CYTH2: variants seen among roughly 807,000 people sequenced by gnomAD.
The protein encoded by CYTH2 is cytohesin-2.
A neutral mutation model predicts 55.4 loss-of-function variants in CYTH2; 24 were observed. That is an observed-to-expected ratio of 0.43 (90% CI 0.31 to 0.61). The LOEUF is 0.61. CYTH2 is among the 20% of genes least tolerant of loss of function. The pLI, the probability that CYTH2 is intolerant of heterozygous loss-of-function variation, is 0.08. For synonymous variants in CYTH2, 221 were observed against 209.6 expected, an observed-to-expected ratio of 1.05 and a Z score of -0.47; for missense variants, 378 against 533.5, an observed-to-expected ratio of 0.71 and a Z score of 2.87.
At chr19:48,476,078 G>C (rs776461373) in intron 8 of CYTH2, 1 of 511,094 alleles carries the variant, frequency 2.0e-6, no homozygotes, top group South Asian at 1.4e-5. Flanking sequence ...TCCCCATGTG[G>C]AACTGTGCTC....
Position 48,479,235 on chromosome 19 carries a change from T to G in CYTH2, c.*25T>G. The G allele has an allele frequency of 6.2e-7, 1 of 1,612,370 alleles. No individual in the cohort carries two copies. The highest frequency in any genetic ancestry group is 8.5e-7 in the Non-Finnish European group (1 of 1,178,646). The stretch of plus-strand genomic sequence containing the variant: ...ACCCCCTGCCCCCAACTCCATTATT[T>G]ATTACGGAGCTGCCCCGCCTGGGTG... On this transcript the variant is annotated 3_prime_UTR_variant, in exon 12 of 12. Transcript: ENST00000452733.
At chr19:48,471,626 G>A (rs1971797065) in intron 3 of CYTH2, among the ~76,000 whole-genome samples, 4 of 152,244 alleles carry the variant, frequency 2.6e-5, no homozygotes, top group Non-Finnish European at 4.4e-5. Context: ...GGTCTTCGTA[G>A]CACAGAGAGT....
intron 8 of CYTH2, chr19:48,475,266 T>C (rs1254134228): frequency 3.1e-6 from 1 of 321,828 alleles, no homozygotes; most frequent in African/African-American, 2.2e-5. Flanking sequence ...GGGAGAAGAG[T>C]TCACTCAGGC....
chr19:48,481,502 TG>T lies in CYTH2; in HGVS notation c.*2293del. 1.6e-5 allele frequency: 3 copies of T among 185,046 alleles called. No individual in the cohort carries two copies. The highest frequency in any genetic ancestry group is 8.8e-5 in the South Asian group (1 of 11,380). The allele number at this position is 185,046 out of a possible 1,614,324, so 11.5% of individuals were successfully genotyped here. A position where few individuals can be genotyped will look rare whatever the true frequency, so the allele number is the denominator to read the frequency against. On this transcript the variant is annotated 3_prime_UTR_variant, in exon 12 of 12. Coordinates refer to ENST00000452733, the MANE Select transcript of CYTH2 (RefSeq NM_004228.7). ...GATTTTTTTTGTAGGTTTTTTTTTT[TG>T]TTTTTTGTTTTGTTTTGTTTTGTTT...
intron 4 of CYTH2, 64 bp from the exon 5 acceptor site, chr19:48,473,234 T>C (rs923489286): frequency 1.3e-5 from 20 of 1,556,408 alleles, no homozygotes; most frequent in Non-Finnish European, 1.8e-5. Context: ...CCCAGGGCAT[T>C]GCCCTTTGCC....
At chr19:48,470,135 A>T (rs1971760151) in intron 1 of CYTH2, 3 of 753,210 alleles carry the variant, frequency 4.0e-6, no homozygotes, top group Non-Finnish European at 7.0e-6. Flanking sequence ...AGACTCAGGA[A>T]TCCGGGCCCC....
In CYTH2 at chr19:48,474,129, G is replaced by T. The variant is rs1971859478; in HGVS notation, c.548-53G>T. 2.6e-6 allele frequency: 4 copies of T among 1,555,386 alleles called. No individual in the cohort carries two copies. Among genetic ancestry groups the T allele is most frequent in the African/African-American group, 1.4e-5 (1 of 73,394 alleles). ...GGAATCCTGGGTCCTGGGGAATGGG[G>T]GCACTGGGGACTGACATGCCTGGGT... On this transcript the variant is annotated intron_variant, in intron 6 of 11. Coordinates refer to ENST00000452733, the MANE Select transcript of CYTH2 (RefSeq NM_004228.7). The surrounding 1 kb of genome is among the most constrained non-coding windows in gnomAD (Gnocchi z 4.9).
chr19:48,475,246 G>T, intron 8 of CYTH2: 1 of 367,510 alleles, frequency 2.7e-6, no homozygotes, highest in Non-Finnish European at 4.9e-6. Flanking sequence ...AGCTGACATT[G>T]TCCTTTCGTG....
In CYTH2 at chr19:48,469,440, G is replaced by C; in HGVS notation, c.-68G>C. 1 of 1,308,868 alleles carries C rather than the reference G, an allele frequency of 7.6e-7. No individual in the cohort carries two copies. The highest frequency in any genetic ancestry group is 9.8e-7 in the Non-Finnish European group (1 of 1,019,778). 81.1% of individuals were successfully genotyped at this position (1,308,868 alleles called of 1,614,324 possible). A position where few individuals can be genotyped will look rare whatever the true frequency, so the allele number is the denominator to read the frequency against. On this transcript the variant is annotated 5_prime_UTR_variant, in exon 1 of 12. Transcript: ENST00000452733. ...TTTGAGCGGGCTCACCCGAGCCCGC[G>C]GGCCAACGCGGATCCAGGCCCGACT...
In CYTH2 at chr19:48,473,920, C is replaced by A; in HGVS notation, c.450C>A (p.Ser150Arg). 6.2e-7 allele frequency: 1 copy of A among 1,610,548 alleles called. No homozygotes were observed. Residue 150 changes from serine (S) to arginine (R), a missense_variant, in exon 6 of 12, where the codon AGC becomes AGA. Physicochemically the swap from Ser to Arg is moderately radical, Grantham distance 110. Transcript: ENST00000452733. The stretch of plus-strand genomic sequence containing the variant: ...CCCAACCCAGGCAGTTTCTATGGAG[C>A]TTTCGCCTACCCGGAGAGGCCCAGA... ...LVQALRQFLW[S>R]FRLPGEAQKI...
rs766860687 is a variant in CYTH2, at chr19:48,478,346, G to T, written c.957G>T (p.Pro319=). 7 of 1,613,970 alleles carry T rather than the reference G, an allele frequency of 4.3e-6. No individual in the cohort carries two copies. Among genetic ancestry groups the T allele is most frequent in the Non-Finnish European group, 5.9e-6 (7 of 1,180,018 alleles). The part of the protein sequence containing the change: ...SIREVDDPRK[P]NCFELYIPNN... ...GAGAGGTGGACGACCCCCGGAAACC[G>T]GTAAGACCCTCTCTGTACACCTTCC... The change falls in exon 10 of 12, where the codon CCG becomes CCT. Residue 319 remains proline (P), a splice_region_variant and synonymous_variant. Coordinates refer to ENST00000452733, the MANE Select transcript of CYTH2 (RefSeq NM_004228.7).
intron 8 of CYTH2, chr19:48,475,245 TGTCC>T: frequency 2.4e-5 from 9 of 367,692 alleles, no homozygotes; most frequent in South Asian, 1.2e-4. Flanking sequence ...CAGCTGACAT[TGTCC>T]TTTCGTGGGA....
chr19:48,472,221 TG>T, intron 3 of CYTH2, 103 bp from the exon 4 acceptor site: 1 of 957,904 alleles, frequency 1.0e-6, no homozygotes, highest in Non-Finnish European at 1.6e-6. Context: ...AACCTGGCCC[TG>T]GTCTGTTGAG....
In CYTH2 at chr19:48,473,996, C is replaced by T. The variant is rs1272255750; in HGVS notation, c.526C>T (p.Pro176Ser). 2 of 1,612,164 alleles carry T rather than the reference C, an allele frequency of 1.2e-6. No individual in the cohort carries two copies. Among genetic ancestry groups the T allele is most frequent in the East Asian group, 4.5e-5 (2 of 44,860 alleles). The change falls in exon 6 of 12, where the codon CCT becomes TCT. Residue 176 changes from proline (P) to serine (S), a missense_variant. By Grantham distance (74) the Pro-to-Ser change is moderately conservative. Transcript: ENST00000452733. Reference sequence around the variant, plus strand: ...CGCCCAGCGATACTGCCTGTGCAACCCTGGGGTTTTCCAGTCCACAGGTGC... The same window carrying T: ...CGCCCAGCGATACTGCCTGTGCAACTCTGGGGTTTTCCAGTCCACAGGTGC... The part of the protein sequence containing the change: ...AFAQRYCLCN[P>S]GVFQSTDTCY...
chr19:48,476,470 A>G lies in CYTH2; in HGVS notation c.808+1521A>G, dbSNP rs1191702296. ...CAGTCCAGATCCCTGCATTCGATCC[A>G]AGGGAGGCAGACTGCTGGGGGAAAT... is the stretch of plus-strand genomic sequence containing the variant. On this transcript the variant is annotated intron_variant, in intron 8 of 11. Transcript: ENST00000452733. 2.0e-5 allele frequency: 3 copies of G among 152,932 alleles called. 1 individual carries two copies. Among genetic ancestry groups the G allele is most frequent in the South Asian group, 4.0e-4 (2 of 4,954 alleles). 9.5% of individuals were successfully genotyped at this position (152,932 alleles called of 1,614,324 possible). A position where few individuals can be genotyped will look rare whatever the true frequency, so the allele number is the denominator to read the frequency against.
rs748848158 is a variant in CYTH2, at chr19:48,476,060, TG to T, written c.808+1116del. 3.3e-4 allele frequency: 172 copies of T among 517,720 alleles called. 3 individuals carry two copies. The highest frequency in any genetic ancestry group is 2.2e-3 in the South Asian group (158 of 71,096). The allele number at this position is 517,720 out of a possible 1,614,324, so 32.1% of individuals were successfully genotyped here. A position where few individuals can be genotyped will look rare whatever the true frequency, so the allele number is the denominator to read the frequency against. ...CAGGGCAGCTTTGGCCTCTGAGTCT[TG>T]GGGGCCTCCCCATGTGGAACTGTGC... On this transcript the variant is annotated intron_variant, in intron 8 of 11. Transcript: ENST00000452733.
chr19:48,477,889 G>A (rs746445010), intron 8 of CYTH2, 180 bp from the exon 9 acceptor site: 88 of 574,838 alleles, frequency 1.5e-4, no homozygotes, highest in Non-Finnish European at 2.5e-4. Context: ...GGGGGTGGAC[G>A]ATTCCTGGAG....
chr19:48,472,356 T>A lies in CYTH2; in HGVS notation c.266T>A (p.Leu89Gln). The A allele has an allele frequency of 1.2e-6, 2 of 1,614,008 alleles. No individual in the cohort carries two copies. Among genetic ancestry groups the A allele is most frequent in the South Asian group, 2.2e-5 (2 of 91,074 alleles). ...CAGTTCTTGGTGGAGAATGAACTGC[T>A]GCAGAACACACCCGAGGAGATCGCC... is the stretch of plus-strand genomic sequence containing the variant. ...GIQFLVENEL[L>Q]QNTPEEIARF... Residue 89 changes from leucine (L) to glutamine (Q), a missense_variant, in exon 4 of 12, where the codon CTG becomes CAG. Physicochemically the swap from Leu to Gln is moderately radical, Grantham distance 113. Coordinates refer to ENST00000452733, the MANE Select transcript of CYTH2 (RefSeq NM_004228.7).
At position 48,478,133 on chromosome 19, in the gene CYTH2, T is replaced by C. The variant is rs2147512504; in HGVS notation, c.873T>C (p.Phe291=). 1 of 1,614,096 alleles carries C rather than the reference T, an allele frequency of 6.2e-7. No individual in the cohort carries two copies. The highest frequency in any genetic ancestry group is 8.5e-7 in the Non-Finnish European group (1 of 1,179,982). Reference sequence around the variant, plus strand: ...TCACAGACAACTGCCTCTACTACTTTGAGTACACCACGGTGAGCGTGACCC... The same window carrying C: ...TCACAGACAACTGCCTCTACTACTTCGAGTACACCACGGTGAGCGTGACCC... ...FILTDNCLYY[F]EYTTDKEPRG... The change falls in exon 9 of 12, where the codon TTT becomes TTC. Residue 291 remains phenylalanine, a synonymous_variant. Coordinates refer to ENST00000452733, the MANE Select transcript of CYTH2 (RefSeq NM_004228.7).
Sources: allele counts gnomAD v4.1 joint callset (sites outside exome capture counted in the v4.1 genomes callset), GRCh38; gene constraint gnomAD v4.1.1; non-coding constraint Gnocchi (gnomAD v3.1); transcripts MANE v1.5; gene names NCBI Gene and HGNC (gene_info 2026-07-23, HGNC 2026-07-21).